Variants in UBL7 observed in about 807,000 individuals in gnomAD.
UBL7 encodes the protein ubiquitin-like protein 7.
A neutral mutation model predicts 41.7 loss-of-function variants in UBL7; 21 were observed. The observed-to-expected ratio is 0.50, with a 90% CI of 0.36 to 0.73. The LOEUF is 0.73. Ranked by LOEUF, UBL7 falls within the 30% of genes least tolerant of loss-of-function variation. UBL7 has a pLI of 0.00. For synonymous variants in UBL7, 157 were observed against 186.9 expected, an observed-to-expected ratio of 0.84 and a Z score of 1.31; for missense variants, 403 against 478.4, an observed-to-expected ratio of 0.84 and a Z score of 1.47.
chr15:74,447,187 A>C (rs2061191907), intron 10 of UBL7, among the ~76,000 whole-genome samples: 1 of 152,254 alleles, frequency 6.6e-6, no homozygotes, highest in African/African-American at 2.4e-5. Context: ...TACAAGGACC[A>C]CATGGAACAG....
intron 3 of UBL7, among the ~76,000 whole-genome samples, chr15:74,452,689 CTAGACTAA>C (rs1401368158): frequency 6.6e-6 from 1 of 152,210 alleles, no homozygotes; most frequent in Non-Finnish European, 1.5e-5. Context: ...TGCAGGAATT[CTAGACTAA>C]TAACATTTGT....
chr15:74,450,819 A>G lies in UBL7; in HGVS notation c.513T>C (p.Asp171=). Residue 171 remains aspartate (D), a synonymous_variant, in exon 6 of 11, where the codon GAT becomes GAC. Transcript: ENST00000395081. ...ACACTTACGTATCAAGCATATTGGG[A>G]TCAGCGAAGACAGAGAAGAGGTCCT... ...QDKDLFSVFA[D]PNMLDTLVPA... is the part of the protein sequence containing the mutation. The G allele has an allele frequency of 1.2e-6, 2 of 1,613,664 alleles. No individual in the cohort carries two copies. The highest frequency in any genetic ancestry group is 8.5e-7 in the Non-Finnish European group (1 of 1,179,710).
chr15:74,452,991 C>A (rs539669086), intron 3 of UBL7, among the ~76,000 whole-genome samples: 2 of 152,154 alleles, frequency 1.3e-5, no homozygotes, highest in Non-Finnish European at 2.9e-5. Flanking sequence ...GGATTACAGG[C>A]GTGAGCCACC....
At chr15:74,457,688 G>A (rs752258354) in intron 2 of UBL7, among the ~76,000 whole-genome samples, 1 of 140,034 alleles carries the variant, frequency 7.1e-6, no homozygotes, top group Admixed American at 7.8e-5. Flanking sequence ...AATGAGCTGA[G>A]ATCTCGCCAC....
intron 8 of UBL7, 106 bp from the exon 9 acceptor site, chr15:74,449,459 G>C (rs2061219929): frequency 2.0e-6 from 3 of 1,531,666 alleles, no homozygotes; most frequent in Non-Finnish European, 2.7e-6. Context: ...TAAGTTCCCA[G>C]GTTCAGAAAG....
intron 4 of UBL7, among the ~76,000 whole-genome samples, chr15:74,452,062 C>T (rs1449968480): frequency 6.6e-6 from 1 of 152,156 alleles, no homozygotes; most frequent in African/African-American, 2.4e-5. Context: ...TTTTGGCTGT[C>T]ACCATACGGG....
chr15:74,447,585 T>C (rs2061196031), intron 10 of UBL7, among the ~76,000 whole-genome samples: 1 of 152,124 alleles, frequency 6.6e-6, no homozygotes, highest in Admixed American at 6.5e-5. Context: ...TGCATACCTG[T>C]AGTCCCAGCT....
intron 3 of UBL7, among the ~76,000 whole-genome samples, chr15:74,453,159 T>A (rs1472267268): frequency 6.6e-6 from 1 of 152,202 alleles, no homozygotes; most frequent in Non-Finnish European, 1.5e-5. Context: ...CACATCCTTA[T>A]CGACAGTCCT....
intron 10 of UBL7, among the ~76,000 whole-genome samples, chr15:74,447,055 A>G (rs1434562327): frequency 6.6e-6 from 1 of 152,240 alleles, no homozygotes; most frequent in Non-Finnish European, 1.5e-5. Flanking sequence ...TTTACAGGCC[A>G]GGTGGAACCA....
intron 3 of UBL7, among the ~76,000 whole-genome samples, 193 bp from the exon 4 acceptor site, chr15:74,452,571 A>C (rs1361872167): frequency 6.6e-6 from 1 of 152,270 alleles, no homozygotes; most frequent in Non-Finnish European, 1.5e-5. Flanking sequence ...GCTAGTAAGC[A>C]TCTTTACATT....
intron 9 of UBL7, 145 bp downstream of exon 9, chr15:74,449,041 C>T: frequency 1.0e-6 from 1 of 986,664 alleles, no homozygotes; most frequent in Non-Finnish European, 1.4e-6. Flanking sequence ...GTCACTCAAG[C>T]TGCAGTAAGA....
intron 3 of UBL7, among the ~76,000 whole-genome samples, chr15:74,454,764 G>T (rs2061279641): frequency 6.6e-6 from 1 of 152,016 alleles, no homozygotes; most frequent in South Asian, 2.1e-4. Context: ...AAGAAGTGAG[G>T]TTTTACTCTG....
intron 1 of UBL7, among the ~76,000 whole-genome samples, chr15:74,459,282 CCA>C: frequency 6.6e-6 from 1 of 152,104 alleles, no homozygotes; most frequent in African/African-American, 2.4e-5. Flanking sequence ...ATCTATGCTG[CCA>C]CCTAACAACA....
rs752668754 is a variant in UBL7 at position 74,446,157 on chromosome 15, GC to G, written c.1075del (p.Ala359ProfsTer?). 4 of 1,613,946 alleles carry G rather than the reference GC, an allele frequency of 2.5e-6. No individual in the cohort carries two copies. In the African/African-American group the frequency reaches 5.3e-5, roughly 22 times the overall value. The stretch of plus-strand genomic sequence containing the variant: ...GATGTCCCCACCGGTGGCCTGCAGG[GC>G]CCGCAGGCTCAGCTCATCGTCCTGG... ...GIQDDELSLRALQATGGDIQA... is the reference protein window; with the variant it reads ...GIQDDELSLRXLQATGGDIQA... On this transcript the variant is annotated frameshift_variant, in exon 11 of 11. Transcript: ENST00000395081. LOFTEE classifies it high-confidence loss of function. The surrounding 1 kb of genome is among the most constrained non-coding windows in gnomAD (Gnocchi z 4.1).
intron 1 of UBL7, among the ~76,000 whole-genome samples, chr15:74,460,017 G>A (rs1567094289): frequency 6.7e-6 from 1 of 149,950 alleles, no homozygotes; most frequent in Non-Finnish European, 1.5e-5. Context: ...CGCGGAGGAC[G>A]GATCACTTAA....
intron 3 of UBL7, among the ~76,000 whole-genome samples, chr15:74,454,409 T>C (rs1483324396): frequency 2.0e-5 from 3 of 152,146 alleles, no homozygotes; most frequent in African/African-American, 7.2e-5. Context: ...AGGACTTTTT[T>C]TTTTTTGAGA....
At position 74,446,644 on chromosome 15, in the gene UBL7, G is replaced by A. The variant is rs1031415043; in HGVS notation, c.1006-417C>T. ...TTTTTTGTTTGGTTTGGTTTGCCAC[G>A]CAGAAATTTTCACCTTTTTTTAAAT... is the stretch of plus-strand genomic sequence containing the variant. On this transcript the variant is annotated intron_variant, in intron 10 of 10. Coordinates refer to ENST00000395081, the MANE Select transcript of UBL7 (RefSeq NM_032907.5). The surrounding 1 kb of genome is among the most constrained non-coding windows in gnomAD (Gnocchi z 4.1). Among the ~76,000 whole-genome samples, 2 of 152,126 alleles carry A rather than the reference G, an allele frequency of 1.3e-5. No individual in the cohort carries two copies. Among genetic ancestry groups the A allele is most frequent in the Admixed American group, 6.5e-5 (1 of 15,270 alleles).
chr15:74,460,705 T>A (rs1596224319), intron 1 of UBL7: 2 of 1,289,132 alleles, frequency 1.6e-6, no homozygotes, highest in African/African-American at 3.0e-5. Context: ...AATCAGAAAC[T>A]CTGACGGCGG....
chr15:74,448,765 T>C (rs1457948108), intron 9 of UBL7, among the ~76,000 whole-genome samples, 165 bp from the exon 10 acceptor site: 2 of 152,132 alleles, frequency 1.3e-5, no homozygotes, highest in Non-Finnish European at 2.9e-5. Flanking sequence ...AGAAGCTCTC[T>C]ATGTGGGCAG....
Sources: gnomAD v4.1 joint callset for allele counts (sites outside exome capture counted in the v4.1 genomes callset) on GRCh38, gnomAD v4.1.1 for gene constraint, Gnocchi (gnomAD v3.1) non-coding constraint, MANE v1.5 for transcripts, NCBI Gene and HGNC (gene_info 2026-07-23, HGNC 2026-07-21) for gene names.